Variants in NCOA1 observed in about 807,000 individuals in gnomAD.
The protein encoded by NCOA1 is nuclear receptor coactivator 1, also known as Hin-2 protein.
Under a neutral mutation model 150.9 loss-of-function variants are expected in NCOA1, and 35 were observed. The ratio of observed to expected loss-of-function variants is 0.23; its 90% CI spans 0.18 to 0.31. NCOA1 has a LOEUF of 0.31. NCOA1 is among the 10% of genes least tolerant of loss of function. The pLI, the probability that NCOA1 is intolerant of heterozygous loss-of-function variation, is 1.00. For synonymous variants in NCOA1, 590 were observed against 630.0 expected, an observed-to-expected ratio of 0.94 and a Z score of 0.95; for missense variants, 1,491 against 1,749.3, an observed-to-expected ratio of 0.85 and a Z score of 2.63.
chr2:24,631,879 T>C (rs566898324), intron 3 of NCOA1, among the ~76,000 whole-genome samples: 81 of 152,334 alleles, frequency 5.3e-4, no homozygotes, highest in Non-Finnish European at 9.8e-4. Flanking sequence ...GTAATTTCTG[T>C]TGCTTACTGC....
Position 24,559,630 on chromosome 2 carries a change from C to G in NCOA1, c.-395-4665C>G, listed in dbSNP as rs185995508. On this transcript the variant is annotated intron_variant, in intron 1 of 22. Coordinates refer to ENST00000348332, the MANE Select transcript of NCOA1 (RefSeq NM_003743.5). ...CTCAGCCTCAGCATTCCTGCCTTCTCTTTCTTGTGGCCTGCCCTTTCTTCC... is the reference window on the plus strand; with the variant it reads ...CTCAGCCTCAGCATTCCTGCCTTCTGTTTCTTGTGGCCTGCCCTTTCTTCC... Among the ~76,000 whole-genome samples, 71 of 152,280 alleles carry G rather than the reference C, an allele frequency of 4.7e-4. 2 individuals are homozygous for G. The East Asian group carries it at 0.01, about 22-fold the overall frequency.
At position 24,742,021 on chromosome 2, in the gene NCOA1, C is replaced by T. The variant is rs1223194108; in HGVS notation, c.3541C>T (p.Pro1181Ser). ...PNYGTNPGTP[P>S]ASTSPFSQLA... Reference sequence around the variant, plus strand: ...CTATGGTACAAATCCAGGAACCCCACCTGCTTCTACCAGCCCGTTTTCACA... The same window carrying T: ...CTATGGTACAAATCCAGGAACCCCATCTGCTTCTACCAGCCCGTTTTCACA... Residue 1181 changes from proline to serine, a missense_variant, in exon 19 of 23, where the codon CCT becomes TCT. Physicochemically the swap from Pro to Ser is moderately conservative, Grantham distance 74. Around this residue, in one of 8 missense-constraint regions of NCOA1, gnomAD observed 485 missense variants for 522.8 expected, o/e 0.93. Coordinates refer to ENST00000348332, the MANE Select transcript of NCOA1 (RefSeq NM_003743.5). 6.2e-7 allele frequency: 1 copy of T among 1,614,266 alleles called. No homozygotes were observed. Among genetic ancestry groups the T allele is most frequent in the Non-Finnish European group, 8.5e-7 (1 of 1,180,046 alleles).
At chr2:24,614,057 A>G (rs1431214419) in intron 3 of NCOA1, among the ~76,000 whole-genome samples, 1 of 151,936 alleles carries the variant, frequency 6.6e-6, no homozygotes, top group African/African-American at 2.4e-5. Context: ...TTTGTCTGAT[A>G]GTGTCTTACC....
intron 1 of NCOA1, among the ~76,000 whole-genome samples, chr2:24,539,190 C>T (rs1665289303): frequency 6.6e-6 from 1 of 152,150 alleles, no homozygotes. Flanking sequence ...TCTTGAACTC[C>T]TGGCCTCAAG....
intron 1 of NCOA1, among the ~76,000 whole-genome samples, chr2:24,510,946 A>G (rs1206201581): frequency 6.6e-6 from 1 of 152,172 alleles, no homozygotes; most frequent in Non-Finnish European, 1.5e-5. Flanking sequence ...CCATTGTGTA[A>G]TATCAAACTT....
At chr2:24,531,383 A>G (rs1664879662) in intron 1 of NCOA1, among the ~76,000 whole-genome samples, 3 of 152,142 alleles carry the variant, frequency 2.0e-5, no homozygotes, top group Non-Finnish European at 4.4e-5. Context: ...ACCATGGAAT[A>G]CTACTCAGCC....
At chr2:24,497,679 A>G (rs574532603) in intron 1 of NCOA1, among the ~76,000 whole-genome samples, 1 of 152,284 alleles carries the variant, frequency 6.6e-6, no homozygotes, top group South Asian at 2.1e-4. Flanking sequence ...CTCAAAAAAA[A>G]AAAAAGATTC....
At chr2:24,646,644 T>C (rs1331503679) in intron 4 of NCOA1, among the ~76,000 whole-genome samples, 1 of 151,924 alleles carries the variant, frequency 6.6e-6, no homozygotes, top group Non-Finnish European at 1.5e-5. Flanking sequence ...TTCCACCTAT[T>C]TCCTTCCTAA....
At chr2:24,595,305 T>C (rs1486348498) in intron 3 of NCOA1, among the ~76,000 whole-genome samples, 3 of 152,092 alleles carry the variant, frequency 2.0e-5, no homozygotes, top group African/African-American at 7.2e-5. Context: ...CTCCAATGTA[T>C]TGAATTCTAT....
chr2:24,525,366 C>T (rs745813187), intron 1 of NCOA1, among the ~76,000 whole-genome samples: 2 of 151,974 alleles, frequency 1.3e-5, no homozygotes, highest in Non-Finnish European at 2.9e-5. Context: ...TAATAAATGA[C>T]TAGCATACAG....
At chr2:24,539,434 A>C (rs1665300030) in intron 1 of NCOA1, among the ~76,000 whole-genome samples, 1 of 152,210 alleles carries the variant, frequency 6.6e-6, no homozygotes, top group Non-Finnish European at 1.5e-5. Flanking sequence ...TGGCTGCTTC[A>C]TGAGGGATAT....
intron 8 of NCOA1, among the ~76,000 whole-genome samples, chr2:24,690,613 T>C (rs1672618087): frequency 8.2e-6 from 1 of 121,704 alleles, no homozygotes. Flanking sequence ...GATCACACCA[T>C]TGCACTCCAG....
chr2:24,547,658 A>T (rs1386271990), intron 1 of NCOA1, among the ~76,000 whole-genome samples: 2 of 150,968 alleles, frequency 1.3e-5, no homozygotes, highest in Non-Finnish European at 2.9e-5. Context: ...GGCTGATTAA[A>T]TTGTGATGTA....
chr2:24,632,582 G>C (rs1669754753), intron 3 of NCOA1, among the ~76,000 whole-genome samples: 1 of 152,124 alleles, frequency 6.6e-6, no homozygotes. Flanking sequence ...AGAACCCCTG[G>C]CCCCCTTCTC....
chr2:24,696,282 G>GA (rs1291610446), intron 10 of NCOA1, among the ~76,000 whole-genome samples: 1 of 152,170 alleles, frequency 6.6e-6, no homozygotes, highest in Non-Finnish European at 1.5e-5. Context: ...ATAAAGAGGG[G>GA]ATTAGTTCAA....
chr2:24,642,778 T>C (rs181913611), intron 3 of NCOA1, among the ~76,000 whole-genome samples: 105 of 152,312 alleles, frequency 6.9e-4, no homozygotes, highest in African/African-American at 2.3e-3. Flanking sequence ...AACTGTACCA[T>C]GGAGCAATAA....
chr2:24,689,041 A>C (rs1207665580), intron 8 of NCOA1, among the ~76,000 whole-genome samples: 3 of 152,172 alleles, frequency 2.0e-5, no homozygotes, highest in African/African-American at 7.2e-5. Flanking sequence ...AGCTTTGTCA[A>C]AGATCAGATG....
chr2:24,722,207 T>C (rs527908880), intron 14 of NCOA1, among the ~76,000 whole-genome samples: 4 of 152,280 alleles, frequency 2.6e-5, no homozygotes, highest in African/African-American at 9.6e-5. Context: ...ATGTTGTGTG[T>C]ATGCACACAC....
intron 1 of NCOA1, among the ~76,000 whole-genome samples, chr2:24,499,387 C>G (rs1482370884): frequency 6.6e-6 from 1 of 152,174 alleles, no homozygotes; most frequent in Admixed American, 6.5e-5. Context: ...TTTGGACCAA[C>G]CAGGATTGCA....
Sources: allele counts gnomAD v4.1 joint callset (sites outside exome capture counted in the v4.1 genomes callset), GRCh38; gene constraint gnomAD v4.1.1; regional missense constraint gnomAD v4.1.1; transcripts MANE v1.5; gene names NCBI Gene and HGNC (gene_info 2026-07-23, HGNC 2026-07-21).